Variants in DDX6 observed in about 807,000 individuals in gnomAD.
DDX6 encodes DEAD-box helicase 6.
In DDX6, 7 loss-of-function variants were observed where a neutral mutation model predicts 60.6. The observed-to-expected ratio is 0.12, with a 90% confidence interval of 0.07 to 0.22. The LOEUF (loss-of-function observed/expected upper bound fraction) is 0.22. Ranked by LOEUF, DDX6 falls within the 10% of genes least tolerant of loss-of-function variation. DDX6 has a pLI of 1.00. For missense variants in DDX6, 270 were observed against 589.9 expected (o/e 0.46, Z 5.62); for synonymous variants, 207 against 201.0 (o/e 1.03, Z -0.25).
At chr11:118,757,624 CTTG>C (rs1591887166) in intron 9 of DDX6, among the ~76,000 whole-genome samples, 1 of 151,420 alleles carries the variant, frequency 6.6e-6, no homozygotes, top group East Asian at 1.9e-4. Flanking sequence ...GAGTTTCACT[CTTG>C]TTGTCCAGGC....
At chr11:118,755,002 C>G (rs993146216) in intron 12 of DDX6, 115 bp from the exon 13 acceptor site, 29 of 956,090 alleles carry the variant, frequency 3.0e-5, no homozygotes, top group Non-Finnish European at 4.2e-5. Flanking sequence ...CAGTGCCATT[C>G]TTAGTATGCA....
chr11:118,761,846 T>G (rs552213623), intron 7 of DDX6, among the ~76,000 whole-genome samples: 39 of 130,888 alleles, frequency 3.0e-4, no homozygotes, highest in Non-Finnish European at 4.6e-4. Flanking sequence ...ATAGGTTTCT[T>G]GTAAAAATTA....
At chr11:118,774,382 C>G (rs1555163234) in intron 4 of DDX6, among the ~76,000 whole-genome samples, 1 of 151,380 alleles carries the variant, frequency 6.6e-6, no homozygotes, top group Non-Finnish European at 1.5e-5. Context: ...TGGGAGCAAT[C>G]TGTAGTATAT....
chr11:118,772,698 T>A (rs915752647), intron 4 of DDX6, among the ~76,000 whole-genome samples: 1 of 152,176 alleles, frequency 6.6e-6, no homozygotes, highest in Non-Finnish European at 1.5e-5. Context: ...CCCCACAAGC[T>A]TAGGGCTGAC....
At chr11:118,782,988 CCGT>C (rs1255511093) in intron 2 of DDX6, among the ~76,000 whole-genome samples, 1 of 152,142 alleles carries the variant, frequency 6.6e-6, no homozygotes, top group African/African-American at 2.4e-5. Context: ...GTTTGACATA[CCGT>C]TGAATTCAAC....
chr11:118,779,362 G>T (rs1861812061), intron 4 of DDX6, among the ~76,000 whole-genome samples: 1 of 152,098 alleles, frequency 6.6e-6, no homozygotes, highest in East Asian at 1.9e-4. Context: ...TTAATAATTA[G>T]AATGACAGAT....
At chr11:118,756,688 C>T (rs1293915367) in intron 10 of DDX6, among the ~76,000 whole-genome samples, 2 of 152,168 alleles carry the variant, frequency 1.3e-5, no homozygotes, top group Non-Finnish European at 2.9e-5. Context: ...CAGTGCTGTC[C>T]AGTAAAACTT....
In DDX6 at chr11:118,786,262, T is replaced by C; in HGVS notation, c.-11A>G. 6.3e-7 allele frequency: 1 copy of C among 1,587,758 alleles called. No individual in the cohort carries two copies. The highest frequency in any genetic ancestry group is 8.6e-7 in the Non-Finnish European group (1 of 1,166,606). ...TCTGGCCGTGCTCATGCTGTTTTAA[T>C]TGCAAAGGTCTTTCAAACTTCAAAA... On this transcript the variant is annotated 5_prime_UTR_variant, in exon 2 of 14. Transcript: ENST00000534980.
chr11:118,753,698 G>C (rs1555158022), intron 13 of DDX6, among the ~76,000 whole-genome samples: 3 of 152,022 alleles, frequency 2.0e-5, no homozygotes, highest in Non-Finnish European at 4.4e-5. Flanking sequence ...TTGCTAATAA[G>C]GTATTATGGA....
intron 2 of DDX6, among the ~76,000 whole-genome samples, chr11:118,784,311 G>T (rs986115902): frequency 2.0e-5 from 3 of 151,998 alleles, no homozygotes; most frequent in Non-Finnish European, 4.4e-5. Context: ...ACCACATACG[G>T]TAACTATATG....
At chr11:118,761,509 G>A (rs1432230818) in intron 7 of DDX6, among the ~76,000 whole-genome samples, 2 of 90 alleles carry the variant, frequency 0.022, no homozygotes, top group African/African-American at 0.05. Flanking sequence ...CCAGCTACTC[G>A]GGAGGGCTGA....
rs868926349 is a variant in DDX6, at chr11:118,756,027, C to A, written c.1174+233G>T. Among the ~76,000 whole-genome samples the A allele has an allele frequency of 0.012, 1,397 of 119,098 alleles. 51 individuals are homozygous for A. The highest frequency in any genetic ancestry group is 0.02 in the Middle Eastern group (5 of 246). 78.1% of individuals were successfully genotyped at this position (119,098 alleles called of 152,430 possible). A position where few individuals can be genotyped will look rare whatever the true frequency, so the allele number is the denominator to read the frequency against. ...AGATTCCATCCCCCTCCCCCCCCCC[C>A]CCAAAAAAAAGACAGAGATGAGGTA... is the stretch of plus-strand genomic sequence containing the variant. On this transcript the variant is annotated intron_variant, in intron 11 of 13. Transcript: ENST00000534980.
intron 9 of DDX6, among the ~76,000 whole-genome samples, chr11:118,758,131 C>A (rs1274381934): frequency 6.6e-6 from 1 of 152,212 alleles, no homozygotes; most frequent in Admixed American, 6.5e-5. Flanking sequence ...CCACACTGTA[C>A]ACGTCCACAA....
intron 12 of DDX6, 99 bp from the exon 13 acceptor site, chr11:118,754,986 G>C: frequency 9.8e-7 from 1 of 1,020,308 alleles, no homozygotes; most frequent in Non-Finnish European, 1.4e-6. Context: ...GATTGATAAT[G>C]ATGTTCAGTG....
intron 4 of DDX6, among the ~76,000 whole-genome samples, chr11:118,772,010 T>A (rs1861550093): frequency 7.5e-6 from 1 of 132,704 alleles, no homozygotes; most frequent in East Asian, 2.2e-4. Context: ...TAATAGCCAG[T>A]TCCTTCTATG....
rs1555158286 is a variant in DDX6 at position 118,754,675 on chromosome 11, T to C, written c.*7+30A>G. On this transcript the variant is annotated intron_variant, in intron 13 of 13. Transcript: ENST00000534980. ...GATTTTGATTTCCCTCATTTAAAGGTTCCTCTTAGCTGTTCTGTCAGGGAC... is the reference window on the plus strand; with the variant it reads ...GATTTTGATTTCCCTCATTTAAAGGCTCCTCTTAGCTGTTCTGTCAGGGAC... 4 of 1,550,062 alleles carry C rather than the reference T, an allele frequency of 2.6e-6. No homozygotes were observed. In the African/African-American group the frequency reaches 4.2e-5, roughly 16 times the overall value.
At position 118,751,889 on chromosome 11, in the gene DDX6, T is replaced by G. The variant is rs1428891803; in HGVS notation, c.*216A>C. On this transcript the variant is annotated 3_prime_UTR_variant, in exon 14 of 14. Coordinates refer to ENST00000534980, the MANE Select transcript of DDX6 (RefSeq NM_004397.6). The stretch of plus-strand genomic sequence containing the variant: ...AGCAGTTAGTGCAACTAATGTTCAG[T>G]CAGCACACAGTGCAAACAAGTGGAA... 5 of 443,616 alleles carry G rather than the reference T, an allele frequency of 1.1e-5. No individual in the cohort carries two copies. Among genetic ancestry groups the G allele is most frequent in the Non-Finnish European group, 2.3e-5 (5 of 221,834 alleles). The allele number at this position is 443,616 out of a possible 1,614,324, so 27.5% of individuals were successfully genotyped here.
rs551802093 is a variant in DDX6 at position 118,777,023 on chromosome 11, C to T, written c.369+2609G>A. On this transcript the variant is annotated intron_variant, in intron 4 of 13. Coordinates refer to ENST00000534980, the MANE Select transcript of DDX6 (RefSeq NM_004397.6). ...TCAACTCTGGGCAATCATTACCCAG[C>T]GTTCTCTGCTTGGAACACAGCTCAA... Among the ~76,000 whole-genome samples the T allele has an allele frequency of 7.9e-5, 12 of 151,998 alleles. No individual in the cohort carries two copies. The South Asian group carries it at 2.1e-3, about 26-fold the overall frequency.
upstream of DDX6, chr11:118,791,421 C>T (rs557102340): frequency 6.6e-6 from 1 of 152,314 alleles, no homozygotes; most frequent in African/African-American, 2.4e-5. Flanking sequence ...ATACGAGTTC[C>T]TTTCTGAAGG....
Sources: gnomAD v4.1 joint callset for allele counts (sites outside exome capture counted in the v4.1 genomes callset) on GRCh38, gnomAD v4.1.1 for gene constraint, MANE v1.5 for transcripts, NCBI Gene and HGNC (gene_info 2026-07-23, HGNC 2026-07-21) for gene names.